ATG4A: variants seen among roughly 807,000 people sequenced by gnomAD.
The protein encoded by ATG4A is autophagy related 4A cysteine peptidase, also known as cysteine protease ATG4A.
ATG4A carries 22 observed loss-of-function variants against 38.4 expected under a neutral mutation model. The observed-to-expected ratio is 0.57, with a 90% CI of 0.41 to 0.82. ATG4A has a LOEUF of 0.82. Ranked by LOEUF, ATG4A falls within the 40% of genes least tolerant of loss-of-function variation. The pLI, the probability that ATG4A is intolerant of heterozygous loss-of-function variation, is 0.00. For missense variants in ATG4A, 220 were observed against 290.0 expected, an observed-to-expected ratio of 0.76 and a Z score of 1.75; for synonymous variants, 86 against 100.7, an observed-to-expected ratio of 0.85 and a Z score of 0.88.
chrX:108,128,953 A>G, intron 3 of ATG4A, 101 bp downstream of exon 3: 1 of 501,156 alleles, frequency 2.0e-6, no homozygotes. Flanking sequence ...AGTTCACTAT[A>G]GCAAAGAATT....
chrX:108,097,837 C>CA (rs911823975), intron 1 of ATG4A, among the ~76,000 whole-genome samples: 4 of 112,243 alleles, frequency 3.6e-5, no homozygotes, highest in African/African-American at 1.3e-4. Flanking sequence ...ATAACTGGCT[C>CA]AAAAACCTTT....
rs1409429386 is a variant in ATG4A at position 108,134,359 on chromosome X, G to A, written c.415G>A (p.Gly139Arg). 8.3e-7 allele frequency: 1 copy of A among 1,211,054 alleles called. No homozygotes were observed. Among genetic ancestry groups the A allele is most frequent in the African/African-American group, 1.7e-5 (1 of 57,837 alleles). ...HQMAQMGVGE[G>R]KSIGEWFGPN... ...AACAGCACAAATGGGTGTAGGAGAA[G>A]GGAAATCAATTGGAGAATGGTTTGG... The change falls in exon 6 of 13, where the codon GGG becomes AGG. Residue 139 changes from glycine (G) to arginine (R), a missense_variant. This residue lies in a region of ATG4A where 159 missense variants were observed against 188.9 expected (regional missense o/e 0.84). Coordinates refer to ENST00000372232, the MANE Select transcript of ATG4A (RefSeq NM_052936.5).
chrX:108,091,789 A>G lies in ATG4A; in HGVS notation c.-38A>G. On this transcript the variant is annotated 5_prime_UTR_variant, in exon 1 of 13. Transcript: ENST00000372232. ...CCTAGCGACCGTCCGTCCGTAGTCAAGTTGCCGGTGGAATTGGCCCAGGAT... is the reference window on the plus strand; with the variant it reads ...CCTAGCGACCGTCCGTCCGTAGTCAGGTTGCCGGTGGAATTGGCCCAGGAT... 1 of 1,210,063 alleles carries G rather than the reference A, an allele frequency of 8.3e-7. No homozygotes were observed. The highest frequency in any genetic ancestry group is 1.1e-6 in the Non-Finnish European group (1 of 893,958).
chrX:108,091,544 T>C (rs768787651), upstream of ATG4A: 2 of 1,190,412 alleles, frequency 1.7e-6, no homozygotes. Flanking sequence ...CAACTACTTG[T>C]CGCGCGAGCA....
intron 9 of ATG4A, among the ~76,000 whole-genome samples, chrX:108,148,976 A>G (rs1247396253): frequency 8.9e-6 from 1 of 112,802 alleles, no homozygotes; most frequent in Non-Finnish European, 1.9e-5. Flanking sequence ...TGGTCCTTGT[A>G]ATATACCATG....
intron 11 of ATG4A, 91 bp from the exon 12 acceptor site, chrX:108,152,888 C>A: frequency 3.1e-6 from 2 of 636,486 alleles, no homozygotes; most frequent in South Asian, 2.8e-5. Flanking sequence ...TGGAAACCAG[C>A]AGACCACTGT....
chrX:108,134,592 T>A (rs750959995), intron 6 of ATG4A, among the ~76,000 whole-genome samples, 181 bp downstream of exon 6: 1 of 112,180 alleles, frequency 8.9e-6, no homozygotes, highest in Non-Finnish European at 1.9e-5. Flanking sequence ...AGCATGGATA[T>A]CTGTGTTGGT....
intron 12 of ATG4A, 76 bp downstream of exon 12, chrX:108,153,163 C>T: frequency 2.6e-6 from 2 of 755,429 alleles, no homozygotes; most frequent in Non-Finnish European, 4.0e-6. Flanking sequence ...AGAATTGTGG[C>T]CCATGCTTTC....
chrX:108,151,204 C>T (rs1040603846), intron 10 of ATG4A, among the ~76,000 whole-genome samples: 13 of 111,644 alleles, frequency 1.2e-4, no homozygotes, highest in African/African-American at 3.9e-4. Flanking sequence ...GGGCATCTGC[C>T]TGTGAAGTAG....
At chrX:108,152,882 A>T in intron 11 of ATG4A, 97 bp from the exon 12 acceptor site, 1 of 606,458 alleles carries the variant, frequency 1.6e-6, no homozygotes. Flanking sequence ...TTCACCTGGA[A>T]ACCAGCAGAC....
At chrX:108,143,256 C>G (rs781409131) in intron 9 of ATG4A, among the ~76,000 whole-genome samples, 1 of 112,016 alleles carries the variant, frequency 8.9e-6, no homozygotes, top group Non-Finnish European at 1.9e-5. Context: ...GTCACGTGGT[C>G]GTAGCTAGTA....
At chrX:108,146,341 A>C (rs886444382) in intron 9 of ATG4A, among the ~76,000 whole-genome samples, 1 of 95,724 alleles carries the variant, frequency 1.0e-5, no homozygotes, top group African/African-American at 3.9e-5. Flanking sequence ...TTCTAGGAAC[A>C]CCATGATTAA....
intron 1 of ATG4A, among the ~76,000 whole-genome samples, chrX:108,124,577 G>A (rs763866525): frequency 1.6e-4 from 18 of 109,985 alleles, no homozygotes; most frequent in Admixed American, 6.8e-4. Context: ...TCAGCCTCCC[G>A]AGTAGCTGGG....
At chrX:108,122,732 G>A (rs764154488) in intron 1 of ATG4A, among the ~76,000 whole-genome samples, 2 of 112,043 alleles carry the variant, frequency 1.8e-5, no homozygotes, top group Non-Finnish European at 3.8e-5. Context: ...CTTTCTTTTG[G>A]AAAATGATTA....
At chrX:108,096,687 G>GTATGTTATGT (rs778830866) in intron 1 of ATG4A, among the ~76,000 whole-genome samples, 95 of 108,869 alleles carry the variant, frequency 8.7e-4, no homozygotes, top group African/African-American at 3.1e-3. Flanking sequence ...TTATTTTATT[G>GTATGTTATGT]TATGTTATGT....
chrX:108,114,664 A>T (rs1408479455), intron 1 of ATG4A, among the ~76,000 whole-genome samples: 1 of 112,737 alleles, frequency 8.9e-6, no homozygotes, highest in African/African-American at 3.2e-5. Flanking sequence ...TCTTGCAGAA[A>T]TAAGACAAAG....
At chrX:108,119,271 G>C (rs189346249) in intron 1 of ATG4A, among the ~76,000 whole-genome samples, 1 of 112,079 alleles carries the variant, frequency 8.9e-6, no homozygotes, top group East Asian at 2.8e-4. Flanking sequence ...GCTATTGAGT[G>C]CTTGAAATGT....
chrX:108,134,002 G>A, intron 4 of ATG4A, 55 bp from the exon 5 acceptor site: 6 of 947,719 alleles, frequency 6.3e-6, no homozygotes, highest in Middle Eastern at 3.4e-4. Context: ...TAAAAGTGCA[G>A]AGAGGAATAA....
At chrX:108,125,688 A>T in intron 1 of ATG4A, among the ~76,000 whole-genome samples, 1 of 112,058 alleles carries the variant, frequency 8.9e-6, no homozygotes, top group East Asian at 2.8e-4. Flanking sequence ...AAACCTCATG[A>T]TATTCCCTGT....
Sources: gnomAD v4.1 joint callset for allele counts (sites outside exome capture counted in the v4.1 genomes callset) on GRCh38, gnomAD v4.1.1 for gene constraint, gnomAD v4.1.1 regional missense constraint, MANE v1.5 for transcripts, NCBI Gene and HGNC (gene_info 2026-07-23, HGNC 2026-07-21) for gene names.